Variants in DLG2 observed in about 807,000 individuals in gnomAD.
DLG2 encodes discs large MAGUK scaffold protein 2, also known as disks large homolog 2.
In DLG2, 45 loss-of-function variants were observed where a neutral mutation model predicts 132.5. The observed-to-expected ratio is 0.34, with a 90% CI of 0.27 to 0.44. DLG2 has a LOEUF of 0.44. Among genes scored for constraint, DLG2 ranks in the 20% least tolerant of loss-of-function variants. The pLI, the probability that DLG2 is intolerant of heterozygous loss-of-function variation, is 1.00. For synonymous variants in DLG2, 424 were observed against 419.6 expected, an observed-to-expected ratio of 1.01 and a Z score of -0.13; for missense variants, 1,045 against 1,196.9, an observed-to-expected ratio of 0.87 and a Z score of 1.87.
intron 6 of DLG2, among the ~76,000 whole-genome samples, chr11:85,075,000 G>C (rs2066339274): frequency 6.6e-6 from 1 of 151,818 alleles, no homozygotes; most frequent in Admixed American, 6.6e-5. Context: ...AACTAAAAGG[G>C]GAGGCAGGCA....
chr11:84,075,838 G>A (rs1049626915), intron 10 of DLG2, among the ~76,000 whole-genome samples: 1 of 152,130 alleles, frequency 6.6e-6, no homozygotes, highest in African/African-American at 2.4e-5. Context: ...AAAAACTCAT[G>A]ACACATTTTG....
intron 3 of DLG2, among the ~76,000 whole-genome samples, chr11:85,465,665 A>C (rs1008674193): frequency 1.6e-4 from 24 of 152,178 alleles, no homozygotes; most frequent in Non-Finnish European, 2.5e-4. Context: ...ATAGTATTCC[A>C]TGGTGTATGT....
intron 7 of DLG2, among the ~76,000 whole-genome samples, chr11:84,399,777 T>A (rs1355319328): frequency 1.3e-5 from 2 of 152,216 alleles, no homozygotes. Context: ...ATTGGACTAT[T>A]TTTGTTTGTT....
At chr11:83,513,418 C>G (rs2095143266) in intron 21 of DLG2, among the ~76,000 whole-genome samples, 5 of 152,284 alleles carry the variant, frequency 3.3e-5, no homozygotes, top group African/African-American at 1.2e-4. Context: ...ATTGTAGATT[C>G]TGGATATTAG....
At chr11:85,249,641 A>G (rs751795883) in intron 4 of DLG2, among the ~76,000 whole-genome samples, 3 of 152,118 alleles carry the variant, frequency 2.0e-5, no homozygotes, top group Non-Finnish European at 2.9e-5. Flanking sequence ...TGACACTACC[A>G]AAAGCAGAAT....
chr11:84,778,112 T>C (rs1245477874), intron 6 of DLG2, among the ~76,000 whole-genome samples: 1 of 152,188 alleles, frequency 6.6e-6, no homozygotes, highest in African/African-American at 2.4e-5. Context: ...CTTTAATCCA[T>C]CTTGAGTTGA....
chr11:83,676,455 T>C (rs2077706639), intron 18 of DLG2, among the ~76,000 whole-genome samples: 1 of 152,154 alleles, frequency 6.6e-6, no homozygotes, highest in Non-Finnish European at 1.5e-5. Context: ...AGCAAGTCAG[T>C]TTGAGTCATC....
intron 19 of DLG2, among the ~76,000 whole-genome samples, chr11:83,626,885 T>C (rs1176194570): frequency 1.3e-5 from 2 of 152,138 alleles, no homozygotes; most frequent in East Asian, 3.9e-4. Flanking sequence ...TCTGGAGCCA[T>C]GGAATGCTGG....
At position 83,557,656 on chromosome 11, in the gene DLG2, T is replaced by C. The variant is rs17523456; in HGVS notation, c.1941-15798A>G. ...TGCTTGTAGGTGTTTCATCTTTGAGTTTTAGGCATAACCGCAATTGGCAGT... is the reference window on the plus strand; with the variant it reads ...TGCTTGTAGGTGTTTCATCTTTGAGCTTTAGGCATAACCGCAATTGGCAGT... On this transcript the variant is annotated intron_variant, in intron 19 of 27. Transcript: ENST00000376104. Among the ~76,000 whole-genome samples, 884 of 152,208 alleles carry C rather than the reference T, an allele frequency of 5.8e-3. 5 individuals carry two copies. Among genetic ancestry groups the C allele is most frequent in the Middle Eastern group, 0.024 (7 of 294 alleles).
At chr11:84,487,099 C>T (rs879815182) in intron 7 of DLG2, among the ~76,000 whole-genome samples, 6 of 152,050 alleles carry the variant, frequency 3.9e-5, no homozygotes, top group Non-Finnish European at 8.8e-5. Context: ...TACCTAGTTG[C>T]TTAGGCAACC....
At chr11:84,393,351 C>T (rs2098799590) in intron 7 of DLG2, among the ~76,000 whole-genome samples, 1 of 152,128 alleles carries the variant, frequency 6.6e-6, no homozygotes, top group South Asian at 2.1e-4. Flanking sequence ...AAAATATGTG[C>T]AGTTTAAAAA....
intron 6 of DLG2, among the ~76,000 whole-genome samples, chr11:84,607,465 G>T (rs11824907): frequency 0.036 from 5,467 of 152,106 alleles, 104 homozygotes; most frequent in Middle Eastern, 0.061. Flanking sequence ...AAGATTTTTG[G>T]GGGGGCAGGG....
At position 85,569,917 on chromosome 11, in the gene DLG2, T is replaced by C. The variant is rs552829441; in HGVS notation, c.40+28740A>G. 3.3e-5 allele frequency among the ~76,000 whole-genome samples: 5 copies of C among 152,194 alleles called. No individual in the cohort carries two copies. The East Asian group carries it at 5.8e-4, about 18-fold the overall frequency. On this transcript the variant is annotated intron_variant, in intron 3 of 27. Coordinates refer to ENST00000376104, the MANE Select transcript of DLG2 (RefSeq NM_001142699.3). ...AAAATAGATCACTATACCAAAAAGA[T>C]ACATGCACTCACATTCATCACTCAG...
intron 6 of DLG2, among the ~76,000 whole-genome samples, chr11:85,044,875 A>G (rs1015428601): frequency 3.9e-5 from 6 of 152,176 alleles, no homozygotes; most frequent in Non-Finnish European, 7.4e-5. Context: ...TTTTCTCTTT[A>G]AAAATAGATG....
chr11:83,525,850 A>G (rs2095595446), intron 21 of DLG2, among the ~76,000 whole-genome samples: 2 of 152,180 alleles, frequency 1.3e-5, no homozygotes, highest in South Asian at 4.1e-4. Flanking sequence ...CAATCCCTAT[A>G]ACTCACTCTG....
chr11:85,302,930 G>A (rs2079691870), intron 3 of DLG2, among the ~76,000 whole-genome samples: 1 of 152,120 alleles, frequency 6.6e-6, no homozygotes, highest in Admixed American at 6.6e-5. Flanking sequence ...TATGAAGTGG[G>A]TTCTGTTATT....
intron 14 of DLG2, among the ~76,000 whole-genome samples, chr11:83,933,203 G>A (rs899947455): frequency 5.3e-5 from 8 of 152,194 alleles, no homozygotes; most frequent in Admixed American, 4.6e-4. Context: ...AAGTGCCAAG[G>A]GGAAATGACT....
At chr11:84,545,532 T>G (rs2099387904) in intron 6 of DLG2, 2 of 392,198 alleles carry the variant, frequency 5.1e-6, no homozygotes, top group African/African-American at 2.1e-5. Context: ...ACTAGCCTTC[T>G]CTTGCTTTGA....
chr11:84,878,092 G>C (rs894382355), intron 6 of DLG2, among the ~76,000 whole-genome samples: 7 of 152,146 alleles, frequency 4.6e-5, no homozygotes, highest in Admixed American at 3.9e-4. Flanking sequence ...GAAGAAATAG[G>C]AATGTTTTTA....
Sources: allele counts gnomAD v4.1 joint callset (sites outside exome capture counted in the v4.1 genomes callset), GRCh38; gene constraint gnomAD v4.1.1; transcripts MANE v1.5; gene names NCBI Gene and HGNC (gene_info 2026-07-23, HGNC 2026-07-21).